ZNF888: variants seen among roughly 807,000 people sequenced by gnomAD.
ZNF888 encodes the protein zinc finger protein 888.
A neutral mutation model predicts 7.2 loss-of-function variants in ZNF888; 5 were observed. That is an observed-to-expected ratio of 0.70 (90% CI 0.36 to 1.46). ZNF888 has a LOEUF of 1.46. ZNF888 is among the 40% of genes most tolerant of loss of function. ZNF888 has a pLI of 0.03. For missense variants in ZNF888, 716 were observed against 858.0 expected, an observed-to-expected ratio of 0.83 and a Z score of 2.07; for synonymous variants, 240 against 284.3, an observed-to-expected ratio of 0.84 and a Z score of 1.57.
rs372486183 is a variant in ZNF888 at position 52,916,368 on chromosome 19, G to A, written c.16-1046C>T. 8.6e-5 allele frequency among the ~76,000 whole-genome samples: 13 copies of A among 151,818 alleles called. No homozygotes were observed. In the East Asian group the frequency reaches 2.1e-3, roughly 25 times the overall value. Reference sequence around the variant, plus strand: ...AAAGTACAAAATCCATTTTTTAAATGTTCACAAAATAATAAAACCTACACA... The same window carrying A: ...AAAGTACAAAATCCATTTTTTAAATATTCACAAAATAATAAAACCTACACA... On this transcript the variant is annotated intron_variant, in intron 3 of 4. Transcript: ENST00000638862.
At chr19:52,913,564 C>T (rs973857115) in intron 4 of ZNF888, among the ~76,000 whole-genome samples, 2 of 151,956 alleles carry the variant, frequency 1.3e-5, no homozygotes, top group Non-Finnish European at 2.9e-5. Flanking sequence ...TCAGGTGATC[C>T]GCCCCCGGCT....
At chr19:52,920,938 T>TA (rs145361548) in intron 1 of ZNF888, among the ~76,000 whole-genome samples, 2,077 of 6,518 alleles carry the variant, frequency 0.32, 757 homozygotes, top group Middle Eastern at 1. Context: ...CTTCAAATAT[T>TA]AAAAAAAAAA....
Position 52,920,291 on chromosome 19 carries a change from G to T in ZNF888, c.-177-1354C>A, listed in dbSNP as rs1373546856. ...AAAATTGAGAGGCCGGGTGGTTGCC[G>T]GGTCTGTGTGGATGGAAGTAGACAT... On this transcript the variant is annotated intron_variant, in intron 1 of 4. Transcript: ENST00000638862. Among the ~76,000 whole-genome samples, 4 of 63,584 alleles carry T rather than the reference G, an allele frequency of 6.3e-5. 2 individuals are homozygous for T. Among genetic ancestry groups the T allele is most frequent in the African/African-American group, 2.1e-4 (4 of 19,468 alleles). 41.7% of individuals were successfully genotyped at this position (63,584 alleles called of 152,430 possible).
intron 3 of ZNF888, among the ~76,000 whole-genome samples, chr19:52,917,600 A>G (rs954174186): frequency 3.3e-5 from 5 of 152,030 alleles, no homozygotes; most frequent in African/African-American, 4.8e-5. Flanking sequence ...ACACCATAGG[A>G]CCCTCACCCC....
rs1274053877 is a variant in ZNF888, at chr19:52,912,268, C to T, written c.142+2928G>A. On this transcript the variant is annotated intron_variant, in intron 4 of 4. Transcript: ENST00000638862. ...AGCTGGGACTACAGGCACCTGCCAC[C>T]GCGCCCGGCTAATTTTTTGTATTTT... 1.3e-4 allele frequency among the ~76,000 whole-genome samples: 19 copies of T among 150,450 alleles called. No individual in the cohort carries two copies. In the East Asian group the frequency reaches 1.8e-3, roughly 14 times the overall value.
At chr19:52,911,730 A>G (rs1437780699) in intron 4 of ZNF888, among the ~76,000 whole-genome samples, 1 of 152,268 alleles carries the variant, frequency 6.6e-6, no homozygotes, top group East Asian at 1.9e-4. Flanking sequence ...GACAAATCTT[A>G]TTAAACAAAG....
chr19:52,911,712 C>G (rs188787923), intron 4 of ZNF888, among the ~76,000 whole-genome samples: 1 of 152,184 alleles, frequency 6.6e-6, no homozygotes, highest in Non-Finnish European at 1.5e-5. Flanking sequence ...TCAACATCAC[C>G]GAAGGCTGAC....
intron 4 of ZNF888, among the ~76,000 whole-genome samples, chr19:52,914,591 C>G (rs930937207): frequency 6.6e-6 from 1 of 152,218 alleles, no homozygotes; most frequent in Non-Finnish European, 1.5e-5. Context: ...ACATCGAGCT[C>G]TCTTCCAAGA....
intron 4 of ZNF888, among the ~76,000 whole-genome samples, chr19:52,908,389 TATC>T (rs1462405912): frequency 2.6e-5 from 4 of 152,202 alleles, no homozygotes; most frequent in Non-Finnish European, 5.9e-5. Flanking sequence ...CTATTTCTAA[TATC>T]ATGACAAAAC....
intron 4 of ZNF888, chr19:52,914,302 T>G (rs1459332872): frequency 1.0e-6 from 1 of 977,030 alleles, no homozygotes; most frequent in Non-Finnish European, 1.2e-6. Flanking sequence ...CGTTTACACC[T>G]GTAATATATT....
At chr19:52,909,252 ATT>A (rs34194002) in intron 4 of ZNF888, among the ~76,000 whole-genome samples, 1 of 144,358 alleles carries the variant, frequency 6.9e-6, no homozygotes. Context: ...AAATTTTTGT[ATT>A]TTTTTTTTTT....
At chr19:52,918,254 C>A (rs2064773754) in intron 2 of ZNF888, 1 of 962,094 alleles carries the variant, frequency 1.0e-6, no homozygotes, top group South Asian at 4.8e-5. Context: ...CTCTCGGAGA[C>A]CAAGGTAGGT....
At chr19:52,914,801 G>A (rs1163378549) in intron 4 of ZNF888, among the ~76,000 whole-genome samples, 1 of 152,088 alleles carries the variant, frequency 6.6e-6, no homozygotes, top group East Asian at 1.9e-4. Flanking sequence ...CTAGGAGCTA[G>A]GATTACAGGT....
chr19:52,906,902 C>G lies in ZNF888; in HGVS notation c.1420G>C (p.Val474Leu). The G allele has an allele frequency of 3.1e-6, 5 of 1,611,630 alleles. No homozygotes were observed. The highest frequency in any genetic ancestry group is 4.2e-6 in the Non-Finnish European group (5 of 1,179,534). Residue 474 changes from valine (V) to leucine (L), a missense_variant, in exon 5 of 5, where the codon GTT (valine) becomes CTT (leucine). By Grantham distance (32) the Val-to-Leu change is conservative. Around this residue, in one of 2 missense-constraint regions of ZNF888, gnomAD observed 697 missense variants for 803.4 expected, o/e 0.87. Transcript: ENST00000638862. Reference protein sequence around the residue: ...KPYKCKECDKVFSRKSHLERH... With the variant: ...KPYKCKECDKLFSRKSHLERH... ...TCAAGGTGTGATTTGCGACTGAAAA[C>G]TTTGTCACATTCTTTACATTTGTAA...
rs2064591496 is a variant in ZNF888 at position 52,905,107 on chromosome 19, AATTAAT to A, written c.*1052_*1057del. ...ACAACCCATATTGATAGTTTGGAAAAATTAATATTGTTAAGTAATTATATAACCCAA... is the reference window on the plus strand; with the variant it reads ...ACAACCCATATTGATAGTTTGGAAAAATTGTTAAGTAATTATATAACCCAA... On this transcript the variant is annotated 3_prime_UTR_variant, in exon 5 of 5. Coordinates refer to ENST00000638862, the MANE Select transcript of ZNF888 (RefSeq NM_001393938.1). 2 of 152,232 alleles carry A rather than the reference AATTAAT, an allele frequency of 1.3e-5. No individual in the cohort carries two copies. The highest frequency in any genetic ancestry group is 4.8e-5 in the African/African-American group (2 of 41,438). The allele number at this position is 152,232 out of a possible 1,614,324, so 9.4% of individuals were successfully genotyped here.
chr19:52,910,843 AC>A (rs1364262034), intron 4 of ZNF888, among the ~76,000 whole-genome samples: 1 of 152,114 alleles, frequency 6.6e-6, no homozygotes, highest in African/African-American at 2.4e-5. Flanking sequence ...ATGCTCTATC[AC>A]CCAGGCTCAA....
rs2064615090 is a variant in ZNF888, at chr19:52,906,843, T to C, written c.1479A>G (p.Pro493=). ...RHRRIHTGEK[P]YKCKVCDKAF... ...CCTTGTCACAAACCTTACATTTGTA[T>C]GGTTTCTCACCAGTGTGAATTCTCC... Residue 493 remains proline (P), a synonymous_variant, in exon 5 of 5, where the codon CCA becomes CCG. Coordinates refer to ENST00000638862, the MANE Select transcript of ZNF888 (RefSeq NM_001393938.1). 6.2e-7 allele frequency: 1 copy of C among 1,613,282 alleles called. No homozygotes were observed. Among genetic ancestry groups the C allele is most frequent in the Non-Finnish European group, 8.5e-7 (1 of 1,179,716 alleles).
At chr19:52,918,130 G>C in intron 2 of ZNF888, 199 bp from the exon 3 acceptor site, 1 of 1,380,768 alleles carries the variant, frequency 7.2e-7, no homozygotes, top group Non-Finnish European at 9.4e-7. Flanking sequence ...CCACACACAC[G>C]CTGCAGCAGT....
chr19:52,909,660 C>A (rs2064653949), intron 4 of ZNF888, among the ~76,000 whole-genome samples: 2 of 151,914 alleles, frequency 1.3e-5, no homozygotes, highest in African/African-American at 4.8e-5. Flanking sequence ...ATTCATTAAT[C>A]AAATAATAAA....
Sources: allele counts gnomAD v4.1 joint callset (sites outside exome capture counted in the v4.1 genomes callset), GRCh38; gene constraint gnomAD v4.1.1; regional missense constraint gnomAD v4.1.1; transcripts MANE v1.5; gene names NCBI Gene and HGNC (gene_info 2026-07-23, HGNC 2026-07-21).